The following BCL2L14 variants were observed in gnomAD, a reference collection of about 807,000 sequenced individuals.
The protein encoded by BCL2L14 is BCL2 like 14, also known as apoptosis facilitator Bcl-2-like protein 14.
Under a neutral mutation model 35.3 loss-of-function variants are expected in BCL2L14, and 27 were observed. The ratio of observed to expected loss-of-function variants is 0.76; its 90% CI spans 0.56 to 1.05. The LOEUF is 1.05. Ranked by LOEUF, BCL2L14 falls within the 50% of genes least tolerant of loss-of-function variation. The pLI is 0.00. For missense variants in BCL2L14, 377 were observed against 382.6 expected (o/e 0.99, Z 0.12); for synonymous variants, 139 against 145.9 (o/e 0.95, Z 0.34).
chr12:12,052,657 A>C (rs1948374528), intron 2 of BCL2L14, among the ~76,000 whole-genome samples: 1 of 152,134 alleles, frequency 6.6e-6, no homozygotes, highest in Admixed American at 6.6e-5. Context: ...TATCTTGGCT[A>C]TGGTAAATCG....
chr12:12,059,508 C>G (rs1414077937), intron 2 of BCL2L14, among the ~76,000 whole-genome samples: 1 of 151,810 alleles, frequency 6.6e-6, no homozygotes, highest in Admixed American at 6.6e-5. Flanking sequence ...CCCTTATTTC[C>G]ATGCCCCAAC....
At chr12:12,056,768 G>A (rs75613455) in intron 2 of BCL2L14, among the ~76,000 whole-genome samples, 6,310 of 152,256 alleles carry the variant, frequency 0.041, 206 homozygotes, top group African/African-American at 0.088. Context: ...GGAAGGCCTC[G>A]GAGGTTGCAG....
chr12:12,054,222 G>T (rs548677217), intron 2 of BCL2L14, among the ~76,000 whole-genome samples: 1 of 152,282 alleles, frequency 6.6e-6, no homozygotes, highest in Non-Finnish European at 1.5e-5. Flanking sequence ...CCAATTAGGG[G>T]CTGGGCGCAG....
intron 3 of BCL2L14, among the ~76,000 whole-genome samples, chr12:12,090,038 T>C (rs1205790134): frequency 1.3e-5 from 2 of 152,092 alleles, no homozygotes; most frequent in African/African-American, 4.8e-5. Flanking sequence ...AAGAGTGAAA[T>C]ATAATCAAAT....
intron 1 of BCL2L14, among the ~76,000 whole-genome samples, chr12:12,073,271 C>T (rs1005227038): frequency 2.0e-5 from 3 of 152,222 alleles, no homozygotes; most frequent in South Asian, 2.1e-4. Context: ...CGGAGGCCCC[C>T]GCTCCCTCCG....
rs200830804 is a variant in BCL2L14, at chr12:12,074,540, G to GTGA, written c.-8+3405_-8+3407dup. Among the ~76,000 whole-genome samples the GTGA allele has an allele frequency of 8.9e-4, 122 of 137,346 alleles. 3 individuals carry two copies. In the East Asian group the frequency reaches 0.026, roughly 29 times the overall value. The allele number at this position is 137,346 out of a possible 152,430, so 90.1% of individuals were successfully genotyped here. On this transcript the variant is annotated intron_variant, in intron 1 of 5. Coordinates refer to ENST00000308721, the MANE Select transcript of BCL2L14 (RefSeq NM_138723.2). ...TGCAACTTCTACCTCCTGGGTTCAA[G>GTGA]TGATTCTCCAGCCTCAGCCTCCCAA...
At chr12:12,063,968 C>G (rs1218401761) in intron 2 of BCL2L14, among the ~76,000 whole-genome samples, 1 of 152,088 alleles carries the variant, frequency 6.6e-6, no homozygotes, top group Non-Finnish European at 1.5e-5. Context: ...CATCTCCCTT[C>G]GCTGACTCTC....
Position 12,079,930 on chromosome 12 carries a change from C to T in BCL2L14, c.433+192C>T, listed in dbSNP as rs6488496. ...AGACTAAAAGGAGTTGCTGCCTGGG[C>T]GCGGTGGCTCACGCCTGTAATCCCA... On this transcript the variant is annotated intron_variant, in intron 2 of 5. Coordinates refer to ENST00000308721, the MANE Select transcript of BCL2L14 (RefSeq NM_138723.2). Among the ~76,000 whole-genome samples the T allele has an allele frequency of 2.7e-3, 404 of 152,296 alleles. 2 individuals carry two copies. The highest frequency in any genetic ancestry group is 8.9e-3 in the African/African-American group (372 of 41,570).
chr12:12,083,949 C>A (rs1948984234), intron 2 of BCL2L14, among the ~76,000 whole-genome samples: 1 of 152,070 alleles, frequency 6.6e-6, no homozygotes. Flanking sequence ...AAAAGAATTC[C>A]TGGGAATTCT....
intron 2 of BCL2L14, among the ~76,000 whole-genome samples, chr12:12,065,475 G>A (rs1422695064): frequency 6.6e-6 from 1 of 150,958 alleles, no homozygotes; most frequent in Non-Finnish European, 1.5e-5. Context: ...GGCGGAGGTT[G>A]CAGTGAGCAG....
chr12:12,054,061 C>G (rs1948396199), intron 2 of BCL2L14, among the ~76,000 whole-genome samples: 1 of 152,174 alleles, frequency 6.6e-6, no homozygotes, highest in Admixed American at 6.5e-5. Context: ...GGGGCCCTGA[C>G]TTTGTGCCAG....
At chr12:12,052,039 C>T (rs928901047) in intron 2 of BCL2L14, among the ~76,000 whole-genome samples, 8 of 151,974 alleles carry the variant, frequency 5.3e-5, no homozygotes, top group Non-Finnish European at 7.4e-5. Context: ...CGGCTGAGGA[C>T]CTTGTTTTCT....
intron 2 of BCL2L14, among the ~76,000 whole-genome samples, chr12:12,056,566 A>ACGCTCACT (rs1948435936): frequency 6.6e-6 from 1 of 152,210 alleles, no homozygotes; most frequent in African/African-American, 2.4e-5. Context: ...ACGGTGGCTC[A>ACGCTCACT]CGCTCACTCG....
chr12:12,090,838 T>C lies in BCL2L14; in HGVS notation c.667T>C (p.Leu223=), dbSNP rs749189013. Residue 223 remains leucine, a synonymous_variant, in exon 4 of 6, where the codon TTG becomes CTG. Transcript: ENST00000308721. ...GCTGCTGAAATATTCAGGAGATCAG[T>C]TGGAAAGAAAGGTATGGAACACCTT... ...VELLKYSGDQ[L]ERKLKKDKAL... The C allele has an allele frequency of 1.9e-6, 3 of 1,612,680 alleles. No homozygotes were observed. Among genetic ancestry groups the C allele is most frequent in the South Asian group, 2.2e-5 (2 of 90,898 alleles).
chr12:12,095,901 G>T (rs1364323577), intron 5 of BCL2L14: 8 of 985,256 alleles, frequency 8.1e-6, no homozygotes, highest in South Asian at 9.4e-5. Context: ...CACCAAGTTT[G>T]ATAACCCTAA....
intron 3 of BCL2L14, 68 bp from the exon 4 acceptor site, chr12:12,090,711 G>T: frequency 7.9e-7 from 1 of 1,262,264 alleles, no homozygotes. Flanking sequence ...AGCATTCATT[G>T]TCCCTGGAAA....
intron 2 of BCL2L14, among the ~76,000 whole-genome samples, chr12:12,085,423 G>A (rs1949020821): frequency 6.6e-6 from 1 of 152,214 alleles, no homozygotes; most frequent in African/African-American, 2.4e-5. Flanking sequence ...GGCCATGGGT[G>A]GCCAGAGTTC....
intron 5 of BCL2L14, among the ~76,000 whole-genome samples, chr12:12,098,315 C>T (rs1949359012): frequency 6.6e-6 from 1 of 152,146 alleles, no homozygotes; most frequent in Non-Finnish European, 1.5e-5. Context: ...TCTCAGTATT[C>T]CACATTTCAT....
chr12:12,059,146 G>C (rs1292960970), intron 2 of BCL2L14, among the ~76,000 whole-genome samples: 7 of 152,160 alleles, frequency 4.6e-5, no homozygotes, highest in Non-Finnish European at 8.8e-5. Flanking sequence ...TTTAATCATT[G>C]CAAGGACACC....
Sources: gnomAD v4.1 joint callset for allele counts (sites outside exome capture counted in the v4.1 genomes callset) on GRCh38, gnomAD v4.1.1 for gene constraint, MANE v1.5 for transcripts, NCBI Gene and HGNC (gene_info 2026-07-23, HGNC 2026-07-21) for gene names.